LRMDA: variants seen among roughly 807,000 people sequenced by gnomAD.
LRMDA encodes leucine-rich melanocyte differentiation-associated protein.
LRMDA carries 18 observed loss-of-function variants against 29.8 expected under a neutral mutation model. The observed-to-expected ratio is 0.60, with a 90% CI of 0.42 to 0.90. The LOEUF (loss-of-function observed/expected upper bound fraction) is 0.90, where lower values mean the gene tolerates loss of function less well. Ranked by LOEUF, LRMDA falls within the 40% of genes least tolerant of loss-of-function variation. The pLI is 0.00. For synonymous variants in LRMDA, 125 were observed against 109.4 expected (o/e 1.14, Z -0.89); for missense variants, 273 against 273.9 (o/e 1.00, Z 0.02).
intron 6 of LRMDA, among the ~76,000 whole-genome samples, chr10:76,438,047 A>T (rs1477429648): frequency 6.6e-6 from 1 of 152,192 alleles, no homozygotes; most frequent in Non-Finnish European, 1.5e-5. Context: ...TGTGAAACAG[A>T]AGTGTCCTTG....
At chr10:75,672,211 G>C (rs568747074) in intron 2 of LRMDA, among the ~76,000 whole-genome samples, 1 of 152,140 alleles carries the variant, frequency 6.6e-6, no homozygotes, top group East Asian at 1.9e-4. Flanking sequence ...TTCATATGTG[G>C]CCATCCAGGA....
chr10:76,487,720 C>T (rs1210351716), intron 6 of LRMDA, among the ~76,000 whole-genome samples: 1 of 151,874 alleles, frequency 6.6e-6, no homozygotes, highest in Non-Finnish European at 1.5e-5. Flanking sequence ...GGATTGAGCT[C>T]TTTCTATATG....
At chr10:75,854,763 C>G (rs1047828534) in intron 2 of LRMDA, among the ~76,000 whole-genome samples, 2 of 151,770 alleles carry the variant, frequency 1.3e-5, no homozygotes, top group Admixed American at 1.3e-4. Flanking sequence ...GTTCCCTTTC[C>G]TGTGTCCTGT....
In LRMDA at chr10:75,659,024, G is replaced by T. The variant is rs1203085460; in HGVS notation, c.131+220530G>T. On this transcript the variant is annotated intron_variant, in intron 2 of 6. Transcript: ENST00000611255. The stretch of plus-strand genomic sequence containing the variant: ...AAGCTTGATGGGCCTGGCCCCACCG[G>T]CAGGAGATGAGGTAGATGGCCCCTG... 4.6e-5 allele frequency among the ~76,000 whole-genome samples: 7 copies of T among 152,308 alleles called. No individual in the cohort carries two copies. In the South Asian group the frequency reaches 1.0e-3, roughly 23 times the overall value.
chr10:75,581,275 C>G (rs1840587400), intron 2 of LRMDA, among the ~76,000 whole-genome samples: 1 of 151,990 alleles, frequency 6.6e-6, no homozygotes, highest in African/African-American at 2.4e-5. Flanking sequence ...AGACACTTCT[C>G]AAAAGAAGAC....
intron 6 of LRMDA, among the ~76,000 whole-genome samples, chr10:76,490,108 T>C (rs1842818320): frequency 6.6e-6 from 1 of 152,054 alleles, no homozygotes; most frequent in South Asian, 2.1e-4. Context: ...GTTTCTATAA[T>C]TCTTCTTGTT....
intron 6 of LRMDA, among the ~76,000 whole-genome samples, chr10:76,418,090 A>T (rs1004122231): frequency 6.6e-6 from 1 of 152,116 alleles, no homozygotes; most frequent in African/African-American, 2.4e-5. Context: ...TCAAAACCAT[A>T]TTGGCTATCC....
chr10:75,668,186 G>A (rs867707837), intron 2 of LRMDA, among the ~76,000 whole-genome samples: 1 of 152,104 alleles, frequency 6.6e-6, no homozygotes, highest in East Asian at 1.9e-4. Flanking sequence ...CCCTCCCATC[G>A]CTTTGCATCA....
chr10:76,059,362 T>A (rs995634390), intron 5 of LRMDA, among the ~76,000 whole-genome samples: 1 of 152,146 alleles, frequency 6.6e-6, no homozygotes, highest in Non-Finnish European at 1.5e-5. Flanking sequence ...ACCAGCTGAG[T>A]CTGTAAGTGA....
At position 76,239,773 on chromosome 10, in the gene LRMDA, AT is replaced by A. The variant is rs756893098; in HGVS notation, c.517-84619del. ...CAATAACTTGTTTGAATTCAAATTC[AT>A]TTTTTTTTGTATATGGTGCTGTATA... On this transcript the variant is annotated intron_variant, in intron 5 of 6. Coordinates refer to ENST00000611255, the MANE Select transcript of LRMDA (RefSeq NM_001305581.2). 2.2e-3 allele frequency among the ~76,000 whole-genome samples: 334 copies of A among 150,862 alleles called. 2 individuals are homozygous for A. Among genetic ancestry groups the A allele is most frequent in the African/African-American group, 7.1e-3 (294 of 41,170 alleles).
chr10:76,425,045 T>C (rs1438940556), intron 6 of LRMDA, among the ~76,000 whole-genome samples: 1 of 152,146 alleles, frequency 6.6e-6, no homozygotes, highest in African/African-American at 2.4e-5. Context: ...GCATCTCAGT[T>C]GTTGTATTTG....
chr10:75,657,949 G>A (rs1006860799), intron 2 of LRMDA, among the ~76,000 whole-genome samples: 1 of 152,088 alleles, frequency 6.6e-6, no homozygotes, highest in African/African-American at 2.4e-5. Context: ...CCTCTAAACA[G>A]TGCATCCCGA....
Position 76,559,627 on chromosome 10 carries a change from A to G in LRMDA, c.*2339A>G, listed in dbSNP as rs1589237442. The G allele has an allele frequency of 6.6e-6, 1 of 152,342 alleles. No individual in the cohort carries two copies. The highest frequency in any genetic ancestry group is 1.9e-4 in the East Asian group (1 of 5,186). The allele number at this position is 152,342 out of a possible 1,614,324, so 9.4% of individuals were successfully genotyped here. A position where few individuals can be genotyped will look rare whatever the true frequency, so the allele number is the denominator to read the frequency against. On this transcript the variant is annotated 3_prime_UTR_variant, in exon 7 of 7. Coordinates refer to ENST00000611255, the MANE Select transcript of LRMDA (RefSeq NM_001305581.2). ...TTGGCAGAGGTAGAACCCATGTTGC[A>G]TGTTTATCCTAAATCTGTAGGAATT...
At chr10:75,638,293 C>T (rs919615225) in intron 2 of LRMDA, among the ~76,000 whole-genome samples, 17 of 152,118 alleles carry the variant, frequency 1.1e-4, no homozygotes, top group African/African-American at 3.1e-4. Context: ...TTGGTTTTTC[C>T]TGTTTTAACT....
chr10:76,065,967 A>C (rs1244841050), intron 5 of LRMDA, among the ~76,000 whole-genome samples: 1 of 152,230 alleles, frequency 6.6e-6, no homozygotes, highest in Non-Finnish European at 1.5e-5. Flanking sequence ...CCTGAACCTG[A>C]CTTGAGGCCT....
intron 2 of LRMDA, among the ~76,000 whole-genome samples, chr10:76,024,141 T>C (rs79476475): frequency 6.6e-6 from 1 of 152,212 alleles, no homozygotes; most frequent in African/African-American, 2.4e-5. Context: ...CCTCATTGAG[T>C]TGACAAGATA....
At chr10:75,878,368 G>A (rs376099798) in intron 2 of LRMDA, among the ~76,000 whole-genome samples, 1 of 151,896 alleles carries the variant, frequency 6.6e-6, no homozygotes, top group Non-Finnish European at 1.5e-5. Context: ...TGGATGGGGA[G>A]CCAGAAGGGG....
intron 2 of LRMDA, among the ~76,000 whole-genome samples, chr10:75,821,030 A>T (rs1844148347): frequency 6.6e-6 from 1 of 152,202 alleles, no homozygotes; most frequent in Non-Finnish European, 1.5e-5. Flanking sequence ...ACCCTCTAAC[A>T]ACATCAAAAA....
At chr10:76,001,976 C>T (rs1368178996) in intron 2 of LRMDA, among the ~76,000 whole-genome samples, 1 of 152,102 alleles carries the variant, frequency 6.6e-6, no homozygotes, top group Non-Finnish European at 1.5e-5. Flanking sequence ...GCCGTTTCTA[C>T]TTGCCATGGT....
Sources: allele counts gnomAD v4.1 joint callset (sites outside exome capture counted in the v4.1 genomes callset), GRCh38; gene constraint gnomAD v4.1.1; transcripts MANE v1.5; gene names NCBI Gene and HGNC (gene_info 2026-07-23, HGNC 2026-07-21).